The following CAPN13 variants were observed in gnomAD, a reference collection of about 807,000 sequenced individuals.
CAPN13 encodes calpain 13, also known as calpain-13.
CAPN13 carries 90 observed loss-of-function variants against 98.4 expected under a neutral mutation model. The ratio of observed to expected loss-of-function variants is 0.92; its 90% CI spans 0.77 to 1.09. CAPN13 has a LOEUF of 1.09. CAPN13 is among the 50% of genes least tolerant of loss of function. The pLI is 0.00. For synonymous variants in CAPN13, 330 were observed against 305.5 expected (o/e 1.08, Z -0.84); for missense variants, 887 against 841.3 (o/e 1.05, Z -0.67).
At chr2:30,778,493 G>A (rs1673816957) in intron 2 of CAPN13, among the ~76,000 whole-genome samples, 3 of 152,170 alleles carry the variant, frequency 2.0e-5, no homozygotes, top group Non-Finnish European at 4.4e-5. Flanking sequence ...GCTCTTCCTG[G>A]ATTTGCATAA....
Position 30,763,163 on chromosome 2 carries a change from G to T in CAPN13, c.700-7C>A. On this transcript the variant is annotated splice_region_variant and splice_polypyrimidine_tract_variant and intron_variant, in intron 6 of 22. Coordinates refer to ENST00000295055, the MANE Select transcript of CAPN13 (RefSeq NM_144575.3). The stretch of plus-strand genomic sequence containing the variant: ...CCTGTGCTGTATCTGTTGGCTTCAA[G>T]GCAGAAAAGCAGATCAAACATTAGA... 6.2e-7 allele frequency: 1 copy of T among 1,609,348 alleles called. No homozygotes were observed. The highest frequency in any genetic ancestry group is 1.1e-5 in the South Asian group (1 of 89,584).
chr2:30,777,781 C>A (rs971804305), intron 2 of CAPN13, 142 bp from the exon 3 acceptor site: 42 of 711,094 alleles, frequency 5.9e-5, no homozygotes, highest in Non-Finnish European at 9.3e-5. Context: ...TCACCACGTT[C>A]TTCAGCCTTT....
At chr2:30,786,194 G>A (rs938435771) in intron 2 of CAPN13, among the ~76,000 whole-genome samples, 2 of 152,164 alleles carry the variant, frequency 1.3e-5, no homozygotes, top group African/African-American at 4.8e-5. Context: ...TTCACTTTAT[G>A]GGAAGTGTTT....
rs1451877318 is a variant in CAPN13 at position 30,777,653 on chromosome 2, G to A, written c.199-14C>T. Reference sequence around the variant, plus strand: ...CCCTGGTAGATCCTTTAGGAAAGAGGGAGAAAAGCTATGAACATCGTTTAT... The same window carrying A: ...CCCTGGTAGATCCTTTAGGAAAGAGAGAGAAAAGCTATGAACATCGTTTAT... On this transcript the variant is annotated splice_polypyrimidine_tract_variant and intron_variant, in intron 2 of 22. Transcript: ENST00000295055. 1 of 1,553,732 alleles carries A rather than the reference G, an allele frequency of 6.4e-7. No individual in the cohort carries two copies. Among genetic ancestry groups the A allele is most frequent in the East Asian group, 2.4e-5 (1 of 42,550 alleles).
intron 7 of CAPN13, among the ~76,000 whole-genome samples, chr2:30,758,406 T>A (rs115358138): frequency 0.012 from 1,782 of 152,326 alleles, 34 homozygotes; most frequent in African/African-American, 0.04. Flanking sequence ...TAAGACTGAA[T>A]CCCAGAACCT....
intron 22 of CAPN13, among the ~76,000 whole-genome samples, chr2:30,725,474 G>A (rs1670827313): frequency 6.6e-6 from 1 of 152,158 alleles, no homozygotes; most frequent in Non-Finnish European, 1.5e-5. Context: ...ACCTCAACTT[G>A]CCCGGTGAGT....
At chr2:30,802,737 T>C (rs1312384968) in intron 1 of CAPN13, among the ~76,000 whole-genome samples, 1 of 151,698 alleles carries the variant, frequency 6.6e-6, no homozygotes, top group African/African-American at 2.4e-5. Context: ...ACTGGGGAGA[T>C]GGTGGGAAGG....
intron 7 of CAPN13, among the ~76,000 whole-genome samples, chr2:30,759,951 C>T (rs1427356507): frequency 6.6e-6 from 1 of 152,224 alleles, no homozygotes; most frequent in Admixed American, 6.5e-5. Context: ...CTTCCCTTGC[C>T]TGCCCCGCTC....
intron 7 of CAPN13, among the ~76,000 whole-genome samples, chr2:30,760,276 G>A (rs1053132334): frequency 3.3e-5 from 5 of 152,144 alleles, no homozygotes; most frequent in African/African-American, 7.2e-5. Context: ...TAGTAGAGAC[G>A]GGGTTTCACC....
chr2:30,797,427 C>T (rs1243445124), intron 1 of CAPN13, among the ~76,000 whole-genome samples: 5 of 152,234 alleles, frequency 3.3e-5, no homozygotes, highest in African/African-American at 9.6e-5. Flanking sequence ...CTGTCTCTTA[C>T]TGACTGAATG....
At chr2:30,792,693 G>A (rs1363653272) in intron 1 of CAPN13, among the ~76,000 whole-genome samples, 10 of 151,860 alleles carry the variant, frequency 6.6e-5, no homozygotes, top group Admixed American at 4.6e-4. Context: ...AGGGAAATAC[G>A]GCTGAACTTA....
intron 8 of CAPN13, among the ~76,000 whole-genome samples, chr2:30,754,695 G>A (rs1003561773): frequency 2.6e-5 from 4 of 151,958 alleles, no homozygotes; most frequent in Admixed American, 2.6e-4. Context: ...GAGAACATGA[G>A]GAGTCCCTCT....
intron 21 of CAPN13, 101 bp from the exon 22 acceptor site, chr2:30,730,887 G>A: frequency 1.3e-6 from 1 of 755,206 alleles, no homozygotes; most frequent in Non-Finnish European, 2.5e-6. Context: ...CCTCAGTCCA[G>A]TCTCATCACC....
At position 30,743,837 on chromosome 2, in the gene CAPN13, G is replaced by A. The variant is rs187251783; in HGVS notation, c.1249-258C>T. On this transcript the variant is annotated intron_variant, in intron 12 of 22. Coordinates refer to ENST00000295055, the MANE Select transcript of CAPN13 (RefSeq NM_144575.3). ...ATCTCATTGGGTCTAACAGCATCCTGAGTTTCTGAGTTTTCTCTCCCTGCT... is the reference window on the plus strand; with the variant it reads ...ATCTCATTGGGTCTAACAGCATCCTAAGTTTCTGAGTTTTCTCTCCCTGCT... 8.4e-6 allele frequency: 5 copies of A among 594,560 alleles called. No individual in the cohort carries two copies. In the Admixed American group the frequency reaches 9.0e-5, roughly 11 times the overall value. The allele number at this position is 594,560 out of a possible 1,614,324, so 36.8% of individuals were successfully genotyped here.
intron 2 of CAPN13, among the ~76,000 whole-genome samples, chr2:30,783,374 G>A (rs892388328): frequency 2.0e-5 from 3 of 152,238 alleles, no homozygotes; most frequent in Middle Eastern, 3.4e-3. Flanking sequence ...GGGCTACTGC[G>A]GAGCCTGGCT....
intron 1 of CAPN13, among the ~76,000 whole-genome samples, chr2:30,801,519 C>T (rs1291169791): frequency 1.3e-5 from 2 of 148,496 alleles, no homozygotes; most frequent in African/African-American, 2.5e-5. Flanking sequence ...GCTGGAGAAT[C>T]GCTTGAACCC....
intron 11 of CAPN13, among the ~76,000 whole-genome samples, chr2:30,749,162 T>C (rs565183456): frequency 2.0e-5 from 3 of 152,304 alleles, no homozygotes; most frequent in Admixed American, 6.5e-5. Flanking sequence ...GAAGTACAGG[T>C]TGAGCATCCT....
At chr2:30,803,835 C>T (rs1397205367) in intron 1 of CAPN13, among the ~76,000 whole-genome samples, 1 of 152,186 alleles carries the variant, frequency 6.6e-6, no homozygotes, top group Non-Finnish European at 1.5e-5. Context: ...ACATGAGTAT[C>T]ATGGATTACA....
chr2:30,738,945 G>C (rs1484414768), intron 15 of CAPN13, among the ~76,000 whole-genome samples: 1 of 152,096 alleles, frequency 6.6e-6, no homozygotes, highest in Admixed American at 6.6e-5. Context: ...AGAAATGTGG[G>C]CTAAGAGAAA....
Sources: gnomAD v4.1 joint callset for allele counts (sites outside exome capture counted in the v4.1 genomes callset) on GRCh38, gnomAD v4.1.1 for gene constraint, MANE v1.5 for transcripts, NCBI Gene and HGNC (gene_info 2026-07-23, HGNC 2026-07-21) for gene names.